Variants in KIAA2012 observed in about 807,000 individuals in gnomAD.
KIAA2012 encodes the protein KIAA2012.
Under a neutral mutation model 150.6 loss-of-function variants are expected in KIAA2012, and 125 were observed. The observed-to-expected ratio is 0.83, with a 90% CI of 0.72 to 0.96. The LOEUF is 0.96. Among genes scored for constraint, KIAA2012 ranks in the 40% least tolerant of loss-of-function variants. The probability of loss-of-function intolerance (pLI) is 0.00; values close to 1 mark genes in which losing one functional copy is unlikely to be tolerated. For missense variants in KIAA2012, 1,219 were observed against 1,354.9 expected (o/e 0.90, Z 1.57); for synonymous variants, 462 against 504.7 (o/e 0.92, Z 1.13).
chr2:202,121,440 G>T (rs757861682), intron 11 of KIAA2012, among the ~76,000 whole-genome samples: 14 of 152,112 alleles, frequency 9.2e-5, no homozygotes, highest in Admixed American at 1.3e-4. Context: ...ATGAAATATG[G>T]TTGAACCTCA....
Position 202,100,450 on chromosome 2 carries a change from G to A in KIAA2012, c.1155+1G>A. 1.9e-6 allele frequency: 3 copies of A among 1,550,126 alleles called. No homozygotes were observed. The highest frequency in any genetic ancestry group is 2.6e-6 in the Non-Finnish European group (3 of 1,146,690). Reference sequence around the variant, plus strand: ...CCCTGGGGAAGTGAAGAAGAAAAAGGTTGTGTGTATATGTATGTTTGTGCA... The same window carrying A: ...CCCTGGGGAAGTGAAGAAGAAAAAGATTGTGTGTATATGTATGTTTGTGCA... On this transcript the variant is annotated splice_donor_variant, in intron 7 of 23. Coordinates refer to ENST00000498697, the MANE Select transcript of KIAA2012 (RefSeq NM_001277372.4). LOFTEE classifies it high-confidence loss of function.
intron 7 of KIAA2012, among the ~76,000 whole-genome samples, chr2:202,101,912 T>C (rs369212685): frequency 1.2e-4 from 18 of 152,196 alleles, no homozygotes; most frequent in Non-Finnish European, 2.9e-5. Context: ...ATCTTTTTTT[T>C]TCTTTTTGAG....
chr2:202,196,432 T>C (rs1056534321), intron 21 of KIAA2012, among the ~76,000 whole-genome samples: 1 of 151,608 alleles, frequency 6.6e-6, no homozygotes, highest in Non-Finnish European at 1.5e-5. Flanking sequence ...CCTGACCTCG[T>C]GATCCGCCCG....
At chr2:202,144,879 A>G (rs1691266270) in intron 13 of KIAA2012, among the ~76,000 whole-genome samples, 1 of 152,244 alleles carries the variant, frequency 6.6e-6, no homozygotes, top group African/African-American at 2.4e-5. Flanking sequence ...TCCTCTAAGT[A>G]GAATTCAGAG....
chr2:202,201,559 A>C, intron 22 of KIAA2012: 1 of 1,610,252 alleles, frequency 6.2e-7, no homozygotes, highest in Non-Finnish European at 8.5e-7. Flanking sequence ...CCTGCATCAT[A>C]CCCGCCTTCC....
At position 202,196,897 on chromosome 2, in the gene KIAA2012, G is replaced by A. The variant is rs1401336569; in HGVS notation, c.3285G>A (p.Gln1095=). 1 of 1,550,632 alleles carries A rather than the reference G, an allele frequency of 6.4e-7. No individual in the cohort carries two copies. Among genetic ancestry groups the A allele is most frequent in the Non-Finnish European group, 8.7e-7 (1 of 1,147,010 alleles). ...CTGAAGAGGAACGACTGGAGTACCA[G>A]CGGCGGAAACAGGAAGCAGAAGAGA... The part of the protein sequence containing the change: ...EMAEEERLEY[Q]RRKQEAEEKA... The change falls in exon 22 of 24, where the codon CAG becomes CAA. Residue 1095 remains glutamine (Q), a synonymous_variant. Coordinates refer to ENST00000498697, the MANE Select transcript of KIAA2012 (RefSeq NM_001277372.4).
At chr2:202,128,459 A>G (rs532773917) in intron 12 of KIAA2012, among the ~76,000 whole-genome samples, 34 of 149,388 alleles carry the variant, frequency 2.3e-4, no homozygotes, top group African/African-American at 8.1e-4. Flanking sequence ...TTTGGTAGAG[A>G]TGGGGTTTCA....
At chr2:202,195,208 G>A (rs1692393686) in intron 21 of KIAA2012, among the ~76,000 whole-genome samples, 1 of 151,972 alleles carries the variant, frequency 6.6e-6, no homozygotes, top group Non-Finnish European at 1.5e-5. Flanking sequence ...CATCATTTGT[G>A]TTGGGAACAT....
In KIAA2012 at chr2:202,100,439, A is replaced by G. The variant is rs1323145643; in HGVS notation, c.1145A>G (p.Lys382Arg). 1.3e-6 allele frequency: 2 copies of G among 1,550,266 alleles called. No individual in the cohort carries two copies. Among genetic ancestry groups the G allele is most frequent in the Non-Finnish European group, 1.7e-6 (2 of 1,146,786 alleles). ...AGAATAATCACCCCTGGGGAAGTGA[A>G]GAAGAAAAAGGTTGTGTGTATATGT... ...GSRIITPGEVKKKKAPKALKL... is the reference protein window; with the variant it reads ...GSRIITPGEVRKKKAPKALKL... The change falls in exon 7 of 24, where the codon AAG (lysine) becomes AGG (arginine). Residue 382 changes from lysine to arginine, a missense_variant. Lys to Arg is a conservative substitution (Grantham distance 26). Coordinates refer to ENST00000498697, the MANE Select transcript of KIAA2012 (RefSeq NM_001277372.4).
chr2:202,193,280 G>A (rs1692352910), intron 19 of KIAA2012, 21 bp from the exon 20 acceptor site: 5 of 1,547,900 alleles, frequency 3.2e-6, no homozygotes, highest in African/African-American at 1.4e-5. Flanking sequence ...TTATTGCACT[G>A]AGAACACTCT....
In KIAA2012 at chr2:202,098,815, T is replaced by TGTGTGC; in HGVS notation, c.829-797_829-792dup. Among the ~76,000 whole-genome samples the TGTGTGC allele has an allele frequency of 2.1e-5, 3 of 144,974 alleles. 1 individual carries two copies. The South Asian group carries it at 6.5e-4, about 31-fold the overall frequency. ...GTGTGTGTGTGTGTGTGTGTGTGTG[T>TGTGTGC]GTGTGCACGCGCGCGCGCGCGCAGG... On this transcript the variant is annotated intron_variant, in intron 5 of 23. Coordinates refer to ENST00000498697, the MANE Select transcript of KIAA2012 (RefSeq NM_001277372.4).
rs768159113 is a variant in KIAA2012 at position 202,193,309 on chromosome 2, C to T, written c.2820C>T (p.Leu940=). ...ACACTCTGGTTTCTTAGGCCCTCCT[C>T]ACTAAGAGGGAGCAGGAGAAGGCTT... The part of the protein sequence containing the change: ...RRCEDPSKAL[L]TKREQEKASW... The change falls in exon 20 of 24, where the codon CTC becomes CTT. Residue 940 remains leucine, a synonymous_variant. Coordinates refer to ENST00000498697, the MANE Select transcript of KIAA2012 (RefSeq NM_001277372.4). 62 of 1,549,286 alleles carry T rather than the reference C, an allele frequency of 4.0e-5. No individual in the cohort carries two copies. The highest frequency in any genetic ancestry group is 5.1e-5 in the Non-Finnish European group (59 of 1,146,790).
intron 15 of KIAA2012, chr2:202,179,965 A>G: frequency 2.8e-6 from 2 of 724,374 alleles, no homozygotes; most frequent in East Asian, 8.7e-5. Context: ...CTCCAACTGA[A>G]GTTAAGATTA....
intron 2 of KIAA2012, among the ~76,000 whole-genome samples, chr2:202,085,233 GTCCTGCCAAAGA>G (rs1454230129): frequency 8.5e-5 from 13 of 152,336 alleles, no homozygotes; most frequent in African/African-American, 3.1e-4. Flanking sequence ...TAGACAGGAT[GTCCTGCCAAAGA>G]TATCTATGTC....
At chr2:202,115,325 C>T (rs1189269162) in intron 11 of KIAA2012, 1 of 152,174 alleles carries the variant, frequency 6.6e-6, no homozygotes, top group Admixed American at 6.6e-5. Context: ...CTCCACCCTC[C>T]CCTTCCAGCC....
At chr2:202,139,013 G>A (rs552891453) in intron 13 of KIAA2012, among the ~76,000 whole-genome samples, 221 of 152,198 alleles carry the variant, frequency 1.5e-3, no homozygotes, top group African/African-American at 5.1e-3. Context: ...GAGGCAGGCA[G>A]ATCACCTGAG....
intron 22 of KIAA2012, among the ~76,000 whole-genome samples, chr2:202,199,920 ATTTTTTT>A (rs71025287): frequency 6.6e-4 from 50 of 76,262 alleles, no homozygotes; most frequent in Non-Finnish European, 8.6e-4. Context: ...GCCCCTCATA[ATTTTTTT>A]TTTTTTTTTT....
chr2:202,201,655 C>T (rs1692528406), intron 22 of KIAA2012: 1 of 1,610,764 alleles, frequency 6.2e-7, no homozygotes, highest in Non-Finnish European at 8.5e-7. Flanking sequence ...CCAACAGCCA[C>T]AGACTGGGCC....
At position 202,193,457 on chromosome 2, in the gene KIAA2012, G is replaced by A. The variant is rs1294777421; in HGVS notation, c.2968G>A (p.Glu990Lys). The A allele has an allele frequency of 5.2e-6, 8 of 1,550,212 alleles. No homozygotes were observed. The highest frequency in any genetic ancestry group is 7.0e-6 in the Non-Finnish European group (8 of 1,146,890). Residue 990 changes from glutamate to lysine, a missense_variant, in exon 20 of 24, where the codon GAG becomes AAG. Coordinates refer to ENST00000498697, the MANE Select transcript of KIAA2012 (RefSeq NM_001277372.4). ...GCAGCTGGAGAGAGCAAAAAAGATG[G>A]AGGAGGAGCTGGAGCTGGAGCAGCA... ...QEQLERAKKM[E>K]EELELEQQRR...
Sources: allele counts gnomAD v4.1 joint callset (sites outside exome capture counted in the v4.1 genomes callset), GRCh38; gene constraint gnomAD v4.1.1; transcripts MANE v1.5; gene names NCBI Gene and HGNC (gene_info 2026-07-23, HGNC 2026-07-21).